The following SBNO1 variants were observed in gnomAD, a reference collection of about 807,000 sequenced individuals.
The protein encoded by SBNO1 is protein strawberry notch homolog 1.
Under a neutral mutation model 173.6 loss-of-function variants are expected in SBNO1, and 23 were observed. That is an observed-to-expected ratio of 0.13 (90% CI 0.10 to 0.19). SBNO1 has a LOEUF of 0.19. SBNO1 is among the 10% of genes least tolerant of loss of function. SBNO1 has a pLI of 1.00. For synonymous variants in SBNO1, 632 were observed against 571.5 expected (o/e 1.11, Z -1.51); for missense variants, 1,238 against 1,671.2 (o/e 0.74, Z 4.52).
chr12:123,356,607 A>G (rs1255391484), intron 1 of SBNO1, among the ~76,000 whole-genome samples: 2 of 152,098 alleles, frequency 1.3e-5, no homozygotes, highest in African/African-American at 2.4e-5. Flanking sequence ...ACACCCAGCT[A>G]ATTTTTTTGT....
At chr12:123,332,670 G>A (rs1337747740) in intron 7 of SBNO1, among the ~76,000 whole-genome samples, 1 of 152,068 alleles carries the variant, frequency 6.6e-6, no homozygotes, top group Non-Finnish European at 1.5e-5. Flanking sequence ...GGGTTCAAGT[G>A]ATTCTCCTGA....
chr12:123,330,917 T>C (rs1871139275), intron 8 of SBNO1, among the ~76,000 whole-genome samples: 5 of 152,064 alleles, frequency 3.3e-5, no homozygotes, highest in Admixed American at 3.3e-4. Context: ...AAAGATCCTG[T>C]CTAGATGGGG....
At chr12:123,340,581 CAAA>C (rs752794679) in intron 5 of SBNO1, among the ~76,000 whole-genome samples, 1 of 46,818 alleles carries the variant, frequency 2.1e-5, no homozygotes, top group African/African-American at 8.0e-5. Flanking sequence ...GACTCTGTCT[CAAA>C]AAAAAAAAAA....
intron 4 of SBNO1, among the ~76,000 whole-genome samples, chr12:123,344,780 C>T (rs1316003350): frequency 3.9e-5 from 6 of 152,014 alleles, no homozygotes; most frequent in Non-Finnish European, 1.5e-5. Context: ...ATCCAGGAGA[C>T]GGAAGCTGCA....
At position 123,323,735 on chromosome 12, in the gene SBNO1, G is replaced by A. The variant is rs1256237121; in HGVS notation, c.2070C>T (p.Asn690=). Residue 690 remains asparagine, a synonymous_variant, in exon 16 of 32, where the codon AAC becomes AAT. Transcript: ENST00000602398. Reference sequence around the variant, plus strand: ...AAGGACTATCTCTTGGCGAACTGTTGTTACTTGGAGCTGTCAAATCGATTC... The same window carrying A: ...AAGGACTATCTCTTGGCGAACTGTTATTACTTGGAGCTGTCAAATCGATTC... ...LLGIDLTAPS[N]NSSPRDSPCK... The A allele has an allele frequency of 6.2e-7, 1 of 1,612,132 alleles. No individual in the cohort carries two copies. Among genetic ancestry groups the A allele is most frequent in the East Asian group, 2.2e-5 (1 of 44,790 alleles).
chr12:123,355,869 C>G (rs900409121), intron 1 of SBNO1, among the ~76,000 whole-genome samples: 3 of 152,100 alleles, frequency 2.0e-5, no homozygotes, highest in Admixed American at 6.6e-5. Context: ...ATAAGTAAGA[C>G]ACAAAGACAC....
intron 5 of SBNO1, 96 bp from the exon 6 acceptor site, chr12:123,336,587 T>C: frequency 9.6e-6 from 7 of 729,488 alleles, no homozygotes; most frequent in Non-Finnish European, 1.6e-5. Flanking sequence ...CCTACAAATT[T>C]CCATCATGGA....
chr12:123,302,508 T>C (rs991689950), intron 30 of SBNO1, among the ~76,000 whole-genome samples: 13 of 151,644 alleles, frequency 8.6e-5, no homozygotes, highest in African/African-American at 2.9e-4. Flanking sequence ...CCTCCCAAAG[T>C]GCTGGGATTA....
At chr12:123,357,538 T>C (rs1241253162) in intron 1 of SBNO1, among the ~76,000 whole-genome samples, 1 of 151,446 alleles carries the variant, frequency 6.6e-6, no homozygotes. Flanking sequence ...GTCAAGAGAT[T>C]GAGACCATCC....
chr12:123,353,209 A>C (rs150934432), intron 1 of SBNO1, among the ~76,000 whole-genome samples: 142 of 152,286 alleles, frequency 9.3e-4, no homozygotes, highest in African/African-American at 3.3e-3. Context: ...GCACCGTGTT[A>C]AATTCTTCAT....
chr12:123,361,761 C>G (rs1875226879), intron 1 of SBNO1, among the ~76,000 whole-genome samples: 1 of 149,480 alleles, frequency 6.7e-6, no homozygotes, highest in Non-Finnish European at 1.5e-5. Context: ...AATTGCCTGA[C>G]ATATAACCGC....
At chr12:123,296,325 A>T (rs1290294654) in intron 31 of SBNO1, among the ~76,000 whole-genome samples, 1 of 123,832 alleles carries the variant, frequency 8.1e-6, no homozygotes, top group Non-Finnish European at 1.7e-5. Flanking sequence ...TTCTCTTTTT[A>T]ACAGGAGGTT....
chr12:123,356,402 A>C (rs1364722568), intron 1 of SBNO1, among the ~76,000 whole-genome samples: 1 of 152,164 alleles, frequency 6.6e-6, no homozygotes, highest in African/African-American at 2.4e-5. Flanking sequence ...TTTGTTAGCA[A>C]TCCATTAAAT....
At position 123,364,800 on chromosome 12, in the gene SBNO1, A is replaced by AGCGGCGGTGGCGGCGGCAGCAGCG. The variant is rs370987290; in HGVS notation, c.-101_-100insCGCTGCTGCCGCCGCCACCGCCGC. ...CGGAGGCGGCGGTGGCGGCGGCAGC[A>AGCGGCGGTGGCGGCGGCAGCAGCG]GCGGCGTCCTGCTCTGCCTACCTCC... On this transcript the variant is annotated 5_prime_UTR_variant, in exon 1 of 32. Transcript: ENST00000602398. The AGCGGCGGTGGCGGCGGCAGCAGCG allele has an allele frequency of 1.0e-6, 1 of 987,376 alleles. No individual in the cohort carries two copies. The highest frequency in any genetic ancestry group is 1.2e-6 in the Non-Finnish European group (1 of 831,272). The allele number at this position is 987,376 out of a possible 1,614,324, so 61.2% of individuals were successfully genotyped here.
chr12:123,331,388 A>C lies in SBNO1; in HGVS notation c.910-13T>G, dbSNP rs569590372. 4.5e-5 allele frequency: 73 copies of C among 1,612,522 alleles called. 1 individual carries two copies. The highest frequency in any genetic ancestry group is 1.3e-4 in the Admixed American group (8 of 59,826). On this transcript the variant is annotated splice_polypyrimidine_tract_variant and intron_variant, in intron 7 of 31. Coordinates refer to ENST00000602398, the MANE Select transcript of SBNO1 (RefSeq NM_001167856.3). ...AAGTTTCATGTTGCTGAAAAACAAA[A>C]GGCTGGTAATTAATATAATCCTTCA... is the stretch of plus-strand genomic sequence containing the variant.
intron 24 of SBNO1, among the ~76,000 whole-genome samples, chr12:123,313,046 T>C (rs1274640652): frequency 1.3e-5 from 2 of 151,442 alleles, no homozygotes; most frequent in Non-Finnish European, 2.9e-5. Context: ...CTACTAAAAA[T>C]ACAAAAATTA....
Position 123,295,096 on chromosome 12 carries a change from A to AC in SBNO1, c.*811dup. 1 of 152,372 alleles carries AC rather than the reference A, an allele frequency of 6.6e-6. No homozygotes were observed. The highest frequency in any genetic ancestry group is 1.9e-4 in the East Asian group (1 of 5,192). The allele number at this position is 152,372 out of a possible 1,614,324, so 9.4% of individuals were successfully genotyped here. A position where few individuals can be genotyped will look rare whatever the true frequency, so the allele number is the denominator to read the frequency against. ...AGGCTCATAGCCATTTCTGCAGCAC[A>AC]CATTAGGAATACTATTAATACATTA... On this transcript the variant is annotated 3_prime_UTR_variant, in exon 32 of 32. Coordinates refer to ENST00000602398, the MANE Select transcript of SBNO1 (RefSeq NM_001167856.3).
chr12:123,312,855 C>G (rs945106955), intron 24 of SBNO1, among the ~76,000 whole-genome samples: 1 of 152,062 alleles, frequency 6.6e-6, no homozygotes, highest in African/African-American at 2.4e-5. Context: ...CCAATCAATC[C>G]TCACAGATTA....
intron 29 of SBNO1, among the ~76,000 whole-genome samples, chr12:123,304,232 A>C (rs965702833): frequency 7.2e-5 from 11 of 151,756 alleles, no homozygotes; most frequent in African/African-American, 2.4e-4. Context: ...TGCCCAGCTA[A>C]AGTAAGTATT....
Sources: gnomAD v4.1 joint callset for allele counts (sites outside exome capture counted in the v4.1 genomes callset) on GRCh38, gnomAD v4.1.1 for gene constraint, MANE v1.5 for transcripts, NCBI Gene and HGNC (gene_info 2026-07-23, HGNC 2026-07-21) for gene names.